The following UACA variants were observed in gnomAD, a reference collection of about 807,000 sequenced individuals.
UACA encodes the protein uveal autoantigen with coiled-coil domains and ankyrin repeats, also known as nuclear membrane binding protein.
UACA carries 112 observed loss-of-function variants against 160.5 expected under a neutral mutation model. The observed-to-expected ratio is 0.70, with a 90% CI of 0.60 to 0.82. The LOEUF (loss-of-function observed/expected upper bound fraction) is 0.82, where lower values mean the gene tolerates loss of function less well. Ranked by LOEUF, UACA falls within the 40% of genes least tolerant of loss-of-function variation. The probability of loss-of-function intolerance (pLI) is 0.00; values close to 1 mark genes in which losing one functional copy is unlikely to be tolerated. For missense variants in UACA, 1,574 were observed against 1,614.6 expected (o/e 0.97, Z 0.43); for synonymous variants, 557 against 568.4 (o/e 0.98, Z 0.29).
At chr15:70,709,112 T>A (rs1054941995) in intron 1 of UACA, among the ~76,000 whole-genome samples, 1 of 152,202 alleles carries the variant, frequency 6.6e-6, no homozygotes, top group Non-Finnish European at 1.5e-5. Context: ...CATATCAACA[T>A]ATCTTGGTGA....
At chr15:70,742,222 C>G (rs1899560036) in intron 1 of UACA, among the ~76,000 whole-genome samples, 1 of 152,178 alleles carries the variant, frequency 6.6e-6, no homozygotes, top group South Asian at 2.1e-4. Flanking sequence ...CAAATCCTTT[C>G]ACATCTTCAT....
At chr15:70,696,770 G>A (rs181172129) in intron 2 of UACA, among the ~76,000 whole-genome samples, 44 of 152,254 alleles carry the variant, frequency 2.9e-4, no homozygotes, top group Admixed American at 7.9e-4. Context: ...ATTTCCTTTA[G>A]CAAAGGTAGT....
chr15:70,679,876 T>A (rs1163961808), intron 9 of UACA, 200 bp from the exon 10 acceptor site: 2 of 309,272 alleles, frequency 6.5e-6, no homozygotes, highest in African/African-American at 2.2e-5. Flanking sequence ...AAATCAAGTA[T>A]AACTTATTTA....
chr15:70,707,605 AG>A (rs1898558741), intron 1 of UACA, among the ~76,000 whole-genome samples: 1 of 152,162 alleles, frequency 6.6e-6, no homozygotes, highest in African/African-American at 2.4e-5. Context: ...AAATGGGCAA[AG>A]GACTTGAATA....
chr15:70,742,241 C>G (rs1477439), intron 1 of UACA, among the ~76,000 whole-genome samples: 89,758 of 152,036 alleles, frequency 0.59, 30,829 homozygotes, highest in Non-Finnish European at 0.76. Context: ...ATTTTAAAGG[C>G]CATACATAAC....
chr15:70,680,540 C>T (rs1422087051), intron 9 of UACA, among the ~76,000 whole-genome samples: 1 of 152,166 alleles, frequency 6.6e-6, no homozygotes, highest in African/African-American at 2.4e-5. Context: ...AAAAGATATT[C>T]TATATCCACA....
chr15:70,699,808 G>A (rs982908902), intron 1 of UACA, 148 bp from the exon 2 acceptor site: 54 of 817,106 alleles, frequency 6.6e-5, no homozygotes, highest in Non-Finnish European at 9.2e-5. Context: ...TCCCTTCTGT[G>A]CTAACTTCAT....
chr15:70,748,456 G>A (rs1236894746), intron 1 of UACA, among the ~76,000 whole-genome samples: 1 of 152,030 alleles, frequency 6.6e-6, no homozygotes, highest in Non-Finnish European at 1.5e-5. Context: ...TGAAGCCTGG[G>A]GCATGAAGTT....
intron 1 of UACA, chr15:70,703,030 C>T (rs115501152): frequency 8.8e-7 from 1 of 1,137,832 alleles, no homozygotes; most frequent in African/African-American, 1.6e-5. Context: ...GAGGCAAATA[C>T]ACATTAGACA....
At chr15:70,756,757 C>T (rs946421162) in intron 1 of UACA, among the ~76,000 whole-genome samples, 2 of 152,124 alleles carry the variant, frequency 1.3e-5, no homozygotes, top group African/African-American at 4.8e-5. Flanking sequence ...GCTGTAATCC[C>T]AACTACTCGG....
Position 70,699,674 on chromosome 15 carries a change from A to C in UACA, c.79-14T>G. ...ATCTGCTGCATGCTACAAAAAGGAA[A>C]AAAAAAAGTAAATATGGCATACTAC... On this transcript the variant is annotated splice_polypyrimidine_tract_variant and intron_variant, in intron 1 of 18. Coordinates refer to ENST00000322954, the MANE Select transcript of UACA (RefSeq NM_018003.4). 6.2e-7 allele frequency: 1 copy of C among 1,607,910 alleles called. No individual in the cohort carries two copies. The highest frequency in any genetic ancestry group is 8.5e-7 in the Non-Finnish European group (1 of 1,178,406).
chr15:70,657,913 GC>G (rs1896541150), intron 18 of UACA, among the ~76,000 whole-genome samples: 1 of 139,126 alleles, frequency 7.2e-6, no homozygotes. Flanking sequence ...GGAGACTGTC[GC>G]AAAAACTTAA....
In UACA at chr15:70,676,547, A is replaced by T. The variant is rs1319431733; in HGVS notation, c.1077T>A (p.His359Gln). The change falls in exon 13 of 19, where the codon CAT becomes CAA. Residue 359 changes from histidine to glutamine, a missense_variant. His to Gln is a conservative substitution (Grantham distance 24). Coordinates refer to ENST00000322954, the MANE Select transcript of UACA (RefSeq NM_018003.4). The stretch of plus-strand genomic sequence containing the variant: ...CCTCAATAGTCCTTAAGCTTTCTTC[A>T]TGTTGCTTTTCTTTAGCTGCCAAAA... ...KSLLAAKEKQ[H>Q]EESLRTIEAL... 6.8e-6 allele frequency: 11 copies of T among 1,612,826 alleles called. No homozygotes were observed. Among genetic ancestry groups the T allele is most frequent in the Non-Finnish European group, 9.3e-6 (11 of 1,179,686 alleles).
At chr15:70,722,245 T>C (rs923142131) in intron 1 of UACA, among the ~76,000 whole-genome samples, 15 of 151,718 alleles carry the variant, frequency 9.9e-5, no homozygotes, top group Non-Finnish European at 2.9e-5. Context: ...AGAAAAATAA[T>C]ACTAATACAA....
rs571760335 is a variant in UACA at position 70,759,427 on chromosome 15, G to A, written c.78+3903C>T. 5.3e-5 allele frequency among the ~76,000 whole-genome samples: 8 copies of A among 152,310 alleles called. No individual in the cohort carries two copies. The East Asian group carries it at 1.4e-3, about 26-fold the overall frequency. On this transcript the variant is annotated intron_variant, in intron 1 of 18. Transcript: ENST00000322954. ...TCCCAGCACTTTGGGAGGCCAAGGT[G>A]GGCGGATCACCTGAGGTCAGAAGTT...
intron 18 of UACA, among the ~76,000 whole-genome samples, chr15:70,659,391 G>GTTTTTTTTTTTTTT (rs1375150038): frequency 7.0e-4 from 7 of 9,956 alleles, no homozygotes; most frequent in African/African-American, 9.7e-4. Flanking sequence ...TTCATTTTTT[G>GTTTTTTTTTTTTTT]TTTGTTTTTT....
At chr15:70,677,239 T>G (rs1897328266) in intron 11 of UACA, 99 bp from the exon 12 acceptor site, 1 of 883,860 alleles carries the variant, frequency 1.1e-6, no homozygotes. Context: ...GCAAATGTCT[T>G]TAAGACTAGG....
chr15:70,695,090 G>C lies in UACA; in HGVS notation c.228C>G (p.Thr76=). Residue 76 remains threonine (T), a synonymous_variant, in exon 3 of 19, where the codon ACC becomes ACG. Transcript: ENST00000322954. The part of the protein sequence containing the change: ...VEGRSVFHVV[T]SKGNLECLNA... Reference sequence around the variant, plus strand: ...TCAAACACTCAAGATTCCCCTTTGAGGTCACAACATGGAAGCTAAACAAAA... The same window carrying C: ...TCAAACACTCAAGATTCCCCTTTGACGTCACAACATGGAAGCTAAACAAAA... 4.4e-6 allele frequency: 7 copies of C among 1,606,502 alleles called. No individual in the cohort carries two copies. Among genetic ancestry groups the C allele is most frequent in the Middle Eastern group, 3.3e-4 (2 of 6,036 alleles).
In UACA at chr15:70,668,782, G is replaced by A. The variant is rs137905046; in HGVS notation, c.1902C>T (p.Asn634=). Residue 634 remains asparagine (N), a synonymous_variant, in exon 16 of 19, where the codon AAC becomes AAT. Coordinates refer to ENST00000322954, the MANE Select transcript of UACA (RefSeq NM_018003.4). ...ALSIPAEKFE[N]MKSSLSNEVN... ...CTTCATTTGATAATGAGCTCTTCAT[G>A]TTTTCAAATTTTTCAGCTGGAATGG... The A allele has an allele frequency of 1.0e-4, 168 of 1,613,784 alleles. No homozygotes were observed. In the African/African-American group the frequency reaches 2.1e-3, roughly 20 times the overall value.
Sources: gnomAD v4.1 joint callset for allele counts (sites outside exome capture counted in the v4.1 genomes callset) on GRCh38, gnomAD v4.1.1 for gene constraint, MANE v1.5 for transcripts, NCBI Gene and HGNC (gene_info 2026-07-23, HGNC 2026-07-21) for gene names.